The following RPP40 variants were observed in gnomAD, a reference collection of about 807,000 sequenced individuals.
RPP40 encodes ribonuclease P/MRP subunit p40.
A neutral mutation model predicts 42.5 loss-of-function variants in RPP40; 30 were observed. The ratio of observed to expected loss-of-function variants is 0.71; its 90% CI spans 0.53 to 0.96. RPP40 has a LOEUF of 0.96. RPP40 is among the 40% of genes least tolerant of loss of function. The pLI, the probability that RPP40 is intolerant of heterozygous loss-of-function variation, is 0.00. For missense variants in RPP40, 426 were observed against 433.5 expected (o/e 0.98, Z 0.15); for synonymous variants, 173 against 164.0 (o/e 1.05, Z -0.42).
Position 5,000,456 on chromosome 6 carries a change from G to C in RPP40, c.337+107C>G, listed in dbSNP as rs545031043. On this transcript the variant is annotated intron_variant, in intron 3 of 7. Transcript: ENST00000380051. ...ACCTGCTTTGGCCTCCCAAAGTGCA[G>C]GGATTACAGGCGTGAGCCACCGTGC... is the stretch of plus-strand genomic sequence containing the variant. 18 of 711,150 alleles carry C rather than the reference G, an allele frequency of 2.5e-5. No homozygotes were observed. In the African/African-American group the frequency reaches 3.1e-4, roughly 12 times the overall value. 44.1% of individuals were successfully genotyped at this position (711,150 alleles called of 1,614,324 possible).
Position 4,995,056 on chromosome 6 carries a change from C to T in RPP40, c.*22G>A. 6.3e-7 allele frequency: 1 copy of T among 1,594,588 alleles called. No individual in the cohort carries two copies. Among genetic ancestry groups the T allele is most frequent in the Non-Finnish European group, 8.6e-7 (1 of 1,169,248 alleles). ...GAAAGCAAGCGTAAATGTAAGTAAA[C>T]ACGATTTTTAATTTTTATTTTTTAT... is the stretch of plus-strand genomic sequence containing the variant. On this transcript the variant is annotated 3_prime_UTR_variant, in exon 8 of 8. Transcript: ENST00000380051.
In RPP40 at chr6:4,996,392, A is replaced by G. The variant is rs375624591; in HGVS notation, c.588T>C (p.Tyr196=). The G allele has an allele frequency of 6.2e-7, 1 of 1,613,530 alleles. No homozygotes were observed. ...TGSEESTMMS[Y]FSKYQIQEHQ... ...GCTCCTGAATTTGGTACTTGGAAAAATATGACATCATTGTCGATTCTTCTG... is the reference window on the plus strand; with the variant it reads ...GCTCCTGAATTTGGTACTTGGAAAAGTATGACATCATTGTCGATTCTTCTG... Residue 196 remains tyrosine, a synonymous_variant, in exon 6 of 8, where the codon TAT becomes TAC. Coordinates refer to ENST00000380051, the MANE Select transcript of RPP40 (RefSeq NM_006638.4).
Position 4,996,310 on chromosome 6 carries a change from T to TCTG in RPP40, c.667_669dup (p.Gln223dup). ...TCTGGCGTTCCCTCCAGCTCGCTGC[T>TCTG]CTGCAGCACTGGGCACTGGAGATCT... On this transcript the variant is annotated inframe_insertion, in exon 6 of 8. Coordinates refer to ENST00000380051, the MANE Select transcript of RPP40 (RefSeq NM_006638.4). 1.9e-6 allele frequency: 3 copies of TCTG among 1,614,204 alleles called. No homozygotes were observed. Among genetic ancestry groups the TCTG allele is most frequent in the Non-Finnish European group, 2.5e-6 (3 of 1,180,036 alleles).
intron 5 of RPP40, among the ~76,000 whole-genome samples, chr6:4,997,568 T>C (rs754364601): frequency 2.0e-5 from 3 of 152,212 alleles, no homozygotes; most frequent in Non-Finnish European, 4.4e-5. Context: ...TCCCTGGGTC[T>C]CCCACTTGCA....
intron 4 of RPP40, among the ~76,000 whole-genome samples, 189 bp downstream of exon 4, chr6:4,999,620 C>T (rs1581322356): frequency 6.6e-6 from 1 of 152,152 alleles, no homozygotes; most frequent in Non-Finnish European, 1.5e-5. Flanking sequence ...TTATTAAATG[C>T]ATCTACAGCT....
At chr6:5,003,649 A>G in intron 1 of RPP40, 2 of 482,006 alleles carry the variant, frequency 4.1e-6, no homozygotes, top group Non-Finnish European at 7.1e-6. Flanking sequence ...CTCCCTCCAG[A>G]CTGGGTACCG....
intron 4 of RPP40, 125 bp from the exon 5 acceptor site, chr6:4,998,966 T>A (rs1291059398): frequency 5.3e-6 from 3 of 567,254 alleles, no homozygotes; most frequent in Non-Finnish European, 8.4e-6. Context: ...ATTATTTTAT[T>A]CTTCTTCCAC....
At chr6:5,002,344 A>C in intron 1 of RPP40, 99 bp from the exon 2 acceptor site, 1 of 1,034,974 alleles carries the variant, frequency 9.7e-7, no homozygotes, top group Non-Finnish European at 1.4e-6. Flanking sequence ...TTATTTCTCC[A>C]CGAGTTTCAC....
At chr6:4,998,631 AT>A in intron 5 of RPP40, 84 bp downstream of exon 5, 2 of 892,600 alleles carry the variant, frequency 2.2e-6, no homozygotes, top group Non-Finnish European at 3.4e-6. Flanking sequence ...TAAAGAGTGA[AT>A]CACCATTCAA....
chr6:4,999,291 A>ATT (rs145562587), intron 4 of RPP40, among the ~76,000 whole-genome samples: 31 of 84,282 alleles, frequency 3.7e-4, no homozygotes, highest in African/African-American at 5.5e-4. Flanking sequence ...AGTACTTGGA[A>ATT]TTTTTTTTTT....
chr6:5,003,853 C>A (rs1448109925), intron 1 of RPP40, 27 bp downstream of exon 1: 3 of 1,594,240 alleles, frequency 1.9e-6, no homozygotes, highest in African/African-American at 1.3e-5. Flanking sequence ...GAGCACGGCC[C>A]GAAAAGCCGA....
chr6:5,001,975 G>T, intron 2 of RPP40, 126 bp downstream of exon 2: 1 of 775,712 alleles, frequency 1.3e-6, no homozygotes, highest in Non-Finnish European at 2.1e-6. Context: ...GAACGCGTGT[G>T]CACCTGACCA....
Position 4,994,834 on chromosome 6 carries a change from C to T in RPP40, c.*244G>A, listed in dbSNP as rs1171564989. On this transcript the variant is annotated 3_prime_UTR_variant, in exon 8 of 8. Transcript: ENST00000380051. ...TCCCTGGACATCCTGGCCCAGTGTA[C>T]CACATAGTAACCCACAACCCTGTGC... 8.2e-6 allele frequency: 4 copies of T among 486,694 alleles called. No homozygotes were observed. The East Asian group carries it at 1.3e-4, about 16-fold the overall frequency. The allele number at this position is 486,694 out of a possible 1,614,324, so 30.1% of individuals were successfully genotyped here. A position where few individuals can be genotyped will look rare whatever the true frequency, so the allele number is the denominator to read the frequency against.
chr6:4,992,368 CAAAAAAAAAA>C (rs56244686), downstream of RPP40, among the ~76,000 whole-genome samples: 2 of 108,732 alleles, frequency 1.8e-5, no homozygotes, highest in Non-Finnish European at 3.9e-5. Context: ...GGCTCTGTCT[CAAAAAAAAAA>C]AAAAAAAAAA....
chr6:4,999,655 C>T (rs1759491324), intron 4 of RPP40, among the ~76,000 whole-genome samples, 154 bp downstream of exon 4: 1 of 152,178 alleles, frequency 6.6e-6, no homozygotes, highest in Non-Finnish European at 1.5e-5. Flanking sequence ...TTAAAAGCAT[C>T]ATCCTATCCT....
chr6:5,000,951 A>C, intron 2 of RPP40: 1 of 425,042 alleles, frequency 2.4e-6, no homozygotes. Context: ...AGCATGCAGA[A>C]GACCAAGCAT....
At chr6:4,998,972 T>G in intron 4 of RPP40, 131 bp from the exon 5 acceptor site, 1 of 544,132 alleles carries the variant, frequency 1.8e-6, no homozygotes, top group South Asian at 3.3e-5. Context: ...TTATTCTTCT[T>G]CCACTCCCTT....
intron 1 of RPP40, among the ~76,000 whole-genome samples, chr6:5,003,147 G>A (rs1400239341): frequency 1.3e-5 from 2 of 151,942 alleles, no homozygotes; most frequent in Admixed American, 6.6e-5. Flanking sequence ...AGGAGATCGA[G>A]ACCATCCTGG....
At chr6:4,999,128 TG>T (rs1172471529) in intron 4 of RPP40, among the ~76,000 whole-genome samples, 2 of 136,870 alleles carry the variant, frequency 1.5e-5, no homozygotes, top group African/African-American at 5.1e-5. Flanking sequence ...TACTTATGGA[TG>T]TGGCGGCCTT....
Sources: gnomAD v4.1 joint callset for allele counts (sites outside exome capture counted in the v4.1 genomes callset) on GRCh38, gnomAD v4.1.1 for gene constraint, MANE v1.5 for transcripts, NCBI Gene and HGNC (gene_info 2026-07-23, HGNC 2026-07-21) for gene names.